The following NFIX variants were observed in gnomAD, a reference collection of about 807,000 sequenced individuals.
NFIX encodes the protein nuclear factor I X.
A neutral mutation model predicts 53.3 loss-of-function variants in NFIX; 2 were observed. The observed-to-expected ratio is 0.04, with a 90% CI of 0.02 to 0.12. The LOEUF (loss-of-function observed/expected upper bound fraction) is 0.12. Ranked by LOEUF, NFIX falls within the 10% of genes least tolerant of loss-of-function variation. The probability of loss-of-function intolerance (pLI) is 1.00; values close to 1 mark genes in which losing one functional copy is unlikely to be tolerated. For synonymous variants in NFIX, 244 were observed against 289.0 expected, an observed-to-expected ratio of 0.84 and a Z score of 1.58; for missense variants, 310 against 674.5, an observed-to-expected ratio of 0.46 and a Z score of 5.99.
chr19:13,032,799 T>C lies in NFIX; in HGVS notation c.559+7247T>C, dbSNP rs1273495616. On this transcript the variant is annotated intron_variant, in intron 2 of 10. Transcript: ENST00000592199. ...GAGGCCAAAAAGAAATGGAAGGCCA[T>C]GTTTGTCCAAGGTTTCGAACAAGAG... Among the ~76,000 whole-genome samples the C allele has an allele frequency of 5.9e-5, 9 of 152,144 alleles. No homozygotes were observed. The East Asian group carries it at 7.7e-4, about 13-fold the overall frequency.
intron 2 of NFIX, among the ~76,000 whole-genome samples, chr19:13,046,865 C>T (rs1435385486): frequency 6.6e-6 from 1 of 152,130 alleles, no homozygotes; most frequent in Non-Finnish European, 1.5e-5. Context: ...TGGTCTAAAT[C>T]ACAGAGCCTG....
intron 6 of NFIX, among the ~76,000 whole-genome samples, chr19:13,076,483 C>T (rs1180254997): frequency 6.6e-6 from 1 of 152,138 alleles, no homozygotes; most frequent in Non-Finnish European, 1.5e-5. Flanking sequence ...TGCATGAGCA[C>T]ATGTGTGTGA....
chr19:13,065,196 C>A (rs979116001), intron 2 of NFIX, among the ~76,000 whole-genome samples: 1 of 152,136 alleles, frequency 6.6e-6, no homozygotes, highest in African/African-American at 2.4e-5. Flanking sequence ...TGTGTTGTAC[C>A]CCCTCAGTGG....
chr19:13,077,696 C>A lies in NFIX; in HGVS notation c.956-917C>A, dbSNP rs78792966. Reference sequence around the variant, plus strand: ...AAGGGTGGCAGCTGTGAGATCTGCCCCAACTCTACCTTATCCTTCCCAGCC... The same window carrying A: ...AAGGGTGGCAGCTGTGAGATCTGCCACAACTCTACCTTATCCTTCCCAGCC... On this transcript the variant is annotated intron_variant, in intron 6 of 10. Coordinates refer to ENST00000592199, the MANE Select transcript of NFIX (RefSeq NM_001365902.3). 7.4e-3 allele frequency among the ~76,000 whole-genome samples: 1,134 copies of A among 152,334 alleles called. 12 individuals carry two copies. Among genetic ancestry groups the A allele is most frequent in the African/African-American group, 0.026 (1,089 of 41,570 alleles).
chr19:13,002,863 C>T lies in NFIX; in HGVS notation c.27+6999C>T, dbSNP rs2011792481. Among the ~76,000 whole-genome samples the T allele has an allele frequency of 6.6e-6, 1 of 152,150 alleles. No individual in the cohort carries two copies. The highest frequency in any genetic ancestry group is 1.5e-5 in the Non-Finnish European group (1 of 68,004). On this transcript the variant is annotated intron_variant, in intron 1 of 10. Transcript: ENST00000592199. The surrounding 1 kb of genome is among the most constrained non-coding windows in gnomAD (Gnocchi z 6.1). ...CAGTGCCCACCACCATCGCCAAGGA[C>T]CCTGCCCCCTCAGCTGAAGCTCAGT... is the stretch of plus-strand genomic sequence containing the variant.
rs187495519 is a variant in NFIX at position 13,051,570 on chromosome 19, C to T, written c.560-21477C>T. On this transcript the variant is annotated intron_variant, in intron 2 of 10. Transcript: ENST00000592199. The surrounding 1 kb of genome is among the most constrained non-coding windows in gnomAD (Gnocchi z 5.1). Reference sequence around the variant, plus strand: ...CCAGGCCAGTGAGCCAGATTTTTTTCCAAGCCTCAAGTCAGGCAGGTTCGG... The same window carrying T: ...CCAGGCCAGTGAGCCAGATTTTTTTTCAAGCCTCAAGTCAGGCAGGTTCGG... Among the ~76,000 whole-genome samples the T allele has an allele frequency of 3.9e-5, 6 of 152,280 alleles. No individual in the cohort carries two copies. Among genetic ancestry groups the T allele is most frequent in the African/African-American group, 1.4e-4 (6 of 41,556 alleles).
chr19:13,066,947 T>G lies in NFIX; in HGVS notation c.560-6100T>G, dbSNP rs976982006. 6.6e-6 allele frequency among the ~76,000 whole-genome samples: 1 copy of G among 152,102 alleles called. No individual in the cohort carries two copies. Among genetic ancestry groups the G allele is most frequent in the Non-Finnish European group, 1.5e-5 (1 of 68,000 alleles). On this transcript the variant is annotated intron_variant, in intron 2 of 10. Coordinates refer to ENST00000592199, the MANE Select transcript of NFIX (RefSeq NM_001365902.3). This position sits in a 1 kb window ranked among gnomAD's most constrained non-coding sequence, Gnocchi z 4.2. ...TGTCTGCTGAGACGGGGAGAACCCC[T>G]CTGTGACCCGTCCCCTTAGCCCCCC...
Position 12,998,993 on chromosome 19 carries a change from C to G in NFIX, c.27+3129C>G, listed in dbSNP as rs1323906199. Among the ~76,000 whole-genome samples the G allele has an allele frequency of 6.6e-6, 1 of 152,040 alleles. No homozygotes were observed. The highest frequency in any genetic ancestry group is 1.5e-5 in the Non-Finnish European group (1 of 68,000). On this transcript the variant is annotated intron_variant, in intron 1 of 10. Transcript: ENST00000592199. The surrounding 1 kb of genome is among the most constrained non-coding windows in gnomAD (Gnocchi z 4.4). ...CGAAGGCACATGGAGACCACGACAC[C>G]TCCCAGACTCATGGAGCCCTGAGCA...
In NFIX at chr19:13,011,642, T is replaced by C. The variant is rs967869398; in HGVS notation, c.28-13379T>C. On this transcript the variant is annotated intron_variant, in intron 1 of 10. Coordinates refer to ENST00000592199, the MANE Select transcript of NFIX (RefSeq NM_001365902.3). The surrounding 1 kb of genome is among the most constrained non-coding windows in gnomAD (Gnocchi z 6.5). ...AGTTAGATGGTACTCCAGCGTCTCC[T>C]CCGGGTCCCCGGAAGAGAGAAGCTG... is the stretch of plus-strand genomic sequence containing the variant. 3.9e-5 allele frequency among the ~76,000 whole-genome samples: 6 copies of C among 152,142 alleles called. No individual in the cohort carries two copies.
intron 2 of NFIX, among the ~76,000 whole-genome samples, chr19:13,030,302 T>C (rs1183973512): frequency 1.3e-5 from 2 of 152,232 alleles, no homozygotes; most frequent in Non-Finnish European, 2.9e-5. Flanking sequence ...AATTCTTCCA[T>C]TCTTCCATGT....
intron 8 of NFIX, chr19:13,082,189 G>T (rs10403930): frequency 0.015 from 4,941 of 324,026 alleles, 233 homozygotes; most frequent in African/African-American, 0.095. Flanking sequence ...ACCTCCCAGC[G>T]CTCCTCTTAA....
chr19:13,091,156 C>CT (rs1398124819), intron 10 of NFIX, among the ~76,000 whole-genome samples: 1 of 152,136 alleles, frequency 6.6e-6, no homozygotes, highest in African/African-American at 2.4e-5. Context: ...GGGCCTGAGG[C>CT]TTTTACCACC....
intron 8 of NFIX, among the ~76,000 whole-genome samples, chr19:13,082,965 TGCGGCGGG>T (rs1346202927): frequency 2.6e-5 from 4 of 152,228 alleles, no homozygotes; most frequent in African/African-American, 4.8e-5. Flanking sequence ...TGTATTGATT[TGCGGCGGG>T]GCCGTGGCTC....
chr19:13,078,658 C>T lies in NFIX; in HGVS notation c.1001C>T (p.Ala334Val). The change falls in exon 7 of 11, where the codon GCC becomes GTC. Residue 334 changes from alanine to valine, a missense_variant. This residue lies in a region of NFIX where 164 missense variants were observed against 284.4 expected (regional missense o/e 0.58). Transcript: ENST00000592199. The surrounding 1 kb of genome is among the most constrained non-coding windows in gnomAD (Gnocchi z 4.7). ...KKSGKLDFCS[A>V]LSSQGSSPRM... is the part of the protein sequence containing the mutation. ...TCAGGAAAGCTGGACTTCTGCAGTG[C>T]CCTCTCCTCTCAGGGCAGCTCCCCG... The T allele has an allele frequency of 6.2e-7, 1 of 1,600,416 alleles. No individual in the cohort carries two copies.
chr19:13,061,327 G>A (rs2016074432), intron 2 of NFIX, among the ~76,000 whole-genome samples: 1 of 152,242 alleles, frequency 6.6e-6, no homozygotes, highest in South Asian at 2.1e-4. Context: ...CACGGGATGT[G>A]TTTGGCAGCG....
At chr19:13,064,678 ACTGCAAT>A (rs1429251318) in intron 2 of NFIX, among the ~76,000 whole-genome samples, 1 of 152,102 alleles carries the variant, frequency 6.6e-6, no homozygotes. Context: ...GACACCAAAA[ACTGCAAT>A]CTAGGACACA....
At position 13,051,561 on chromosome 19, in the gene NFIX, G is replaced by T. The variant is rs909134944; in HGVS notation, c.560-21486G>T. ...CCCCCGTACCCAGGCCAGTGAGCCA[G>T]ATTTTTTTCCAAGCCTCAAGTCAGG... On this transcript the variant is annotated intron_variant, in intron 2 of 10. Coordinates refer to ENST00000592199, the MANE Select transcript of NFIX (RefSeq NM_001365902.3). The surrounding 1 kb of genome is among the most constrained non-coding windows in gnomAD (Gnocchi z 5.1). 1.3e-5 allele frequency among the ~76,000 whole-genome samples: 2 copies of T among 152,194 alleles called. No homozygotes were observed. The highest frequency in any genetic ancestry group is 4.8e-5 in the African/African-American group (2 of 41,442).
Position 13,025,218 on chromosome 19 carries a change from G to A in NFIX, c.225G>A (p.Leu75=). Residue 75 remains leucine, a synonymous_variant, in exon 2 of 11, where the codon CTG becomes CTA. Coordinates refer to ENST00000592199, the MANE Select transcript of NFIX (RefSeq NM_001365902.3). The surrounding 1 kb of genome is among the most constrained non-coding windows in gnomAD (Gnocchi z 7.5). ...TCAAGCAGAAGTGGGCATCCCGGCT[G>A]CTGGCCAAGCTGCGCAAGGACATCC... ...PEIKQKWASR[L]LAKLRKDIRP... is the part of the protein sequence containing the mutation. 1 of 1,614,220 alleles carries A rather than the reference G, an allele frequency of 6.2e-7. No individual in the cohort carries two copies. Among genetic ancestry groups the A allele is most frequent in the Non-Finnish European group, 8.5e-7 (1 of 1,180,032 alleles).
chr19:13,041,321 A>G (rs931376107), intron 2 of NFIX, among the ~76,000 whole-genome samples: 8 of 152,344 alleles, frequency 5.3e-5, no homozygotes, highest in Admixed American at 5.2e-4. Flanking sequence ...TTATAAGACT[A>G]CTGTACATTC....
Sources: allele counts gnomAD v4.1 joint callset (sites outside exome capture counted in the v4.1 genomes callset), GRCh38; gene constraint gnomAD v4.1.1; regional missense constraint gnomAD v4.1.1; non-coding constraint Gnocchi (gnomAD v3.1); transcripts MANE v1.5; gene names NCBI Gene and HGNC (gene_info 2026-07-23, HGNC 2026-07-21).